Variants in UBXN11 observed in about 807,000 individuals in gnomAD.
UBXN11 encodes UBX domain protein 11, also known as UBX domain-containing protein 11.
Under a neutral mutation model 62.8 loss-of-function variants are expected in UBXN11, and 47 were observed. The observed-to-expected ratio is 0.75, with a 90% CI of 0.59 to 0.95. The LOEUF is 0.95. Among genes scored for constraint, UBXN11 ranks in the 40% least tolerant of loss-of-function variants. UBXN11 has a pLI of 0.00. For synonymous variants in UBXN11, 294 were observed against 267.0 expected (o/e 1.10, Z -0.99); for missense variants, 638 against 661.7 (o/e 0.96, Z 0.39).
chr1:26,284,864 C>G (rs2073090737), intron 10 of UBXN11: 1 of 1,018,816 alleles, frequency 9.8e-7, no homozygotes, highest in Non-Finnish European at 1.2e-6. Flanking sequence ...CAAGGCATAG[C>G]TCCGAGGTCC....
intron 6 of UBXN11, 118 bp from the exon 7 acceptor site, chr1:26,297,113 G>GC: frequency 4.9e-6 from 6 of 1,214,088 alleles, no homozygotes; most frequent in South Asian, 1.4e-5. Context: ...CTGCCTCTTG[G>GC]CCCCCCACCT....
chr1:26,302,362 TAAAAAAAAAAAAAA>T (rs56003085), intron 2 of UBXN11, among the ~76,000 whole-genome samples: 5 of 69,562 alleles, frequency 7.2e-5, no homozygotes, highest in East Asian at 4.6e-4. Context: ...ACTTGGTCTT[TAAAAAAAAAAAAAA>T]AAAAAAAAAA....
chr1:26,317,375 T>A (rs1442390224), intron 1 of UBXN11, among the ~76,000 whole-genome samples: 1 of 152,034 alleles, frequency 6.6e-6, no homozygotes, highest in African/African-American at 2.4e-5. Flanking sequence ...GCTTCCCGAT[T>A]CCTCACCTCC....
rs144586094 is a variant in UBXN11, at chr1:26,284,962, C to T, written c.853-480G>A. ...GGTGACACATGCTCCCTCCCGGACA[C>T]GCCCTCAGTGCGGCACTAACCCACC... On this transcript the variant is annotated intron_variant, in intron 10 of 14. Transcript: ENST00000374222. 126 of 999,920 alleles carry T rather than the reference C, an allele frequency of 1.3e-4. No homozygotes were observed. In the African/African-American group the frequency reaches 1.8e-3, roughly 14 times the overall value. 61.9% of individuals were successfully genotyped at this position (999,920 alleles called of 1,614,324 possible).
intron 8 of UBXN11, among the ~76,000 whole-genome samples, chr1:26,289,088 CCTTA>C (rs1369389813): frequency 1.3e-5 from 2 of 152,154 alleles, no homozygotes; most frequent in Admixed American, 6.5e-5. Flanking sequence ...CTCCCAAGAC[CCTTA>C]CTTAGCACCC....
In UBXN11 at chr1:26,282,305, G is replaced by A. The variant is rs764029313; in HGVS notation, c.1557C>T (p.Pro519=). Residue 519 remains proline (P), a synonymous_variant, in exon 15 of 15, where the codon CCC becomes CCT. Transcript: ENST00000374222. ...PSPCPGPSPS[P]Q ...GGTTGAGGGGGCGGGTGCTTTATTG[G>A]GGGCTGGGACTGGGTCCAGGACAGG... 6 of 1,483,360 alleles carry A rather than the reference G, an allele frequency of 4.0e-6. No individual in the cohort carries two copies. Among genetic ancestry groups the A allele is most frequent in the Middle Eastern group, 2.1e-4 (1 of 4,704 alleles). The allele number at this position is 1,483,360 out of a possible 1,614,324, so 91.9% of individuals were successfully genotyped here. A position where few individuals can be genotyped will look rare whatever the true frequency, so the allele number is the denominator to read the frequency against.
At chr1:26,306,020 CT>C (rs1285965210) in intron 1 of UBXN11, among the ~76,000 whole-genome samples, 8 of 152,222 alleles carry the variant, frequency 5.3e-5, no homozygotes. Flanking sequence ...ACAAGGGCCC[CT>C]GAAGGCAAAG....
exon 1 of UBXN11, chr1:26,318,216 C>T (rs969103391): frequency 1.4e-6 from 1 of 708,938 alleles, no homozygotes; most frequent in African/African-American, 1.8e-5. Flanking sequence ...ACTGGGGACA[C>T]AGCGGGCCTG....
intron 8 of UBXN11, among the ~76,000 whole-genome samples, chr1:26,293,724 CAAAAAAAAAAAAA>C (rs1163207554): frequency 1.9e-4 from 5 of 26,922 alleles, no homozygotes; most frequent in African/African-American, 6.4e-4. Context: ...GACTCCGTCT[CAAAAAAAAAAAAA>C]AAAAAAAAAA....
intron 8 of UBXN11, among the ~76,000 whole-genome samples, chr1:26,289,814 C>T (rs1213389520): frequency 2.6e-5 from 4 of 152,230 alleles, no homozygotes; most frequent in East Asian, 1.9e-4. Flanking sequence ...GCAGCTCACG[C>T]GGTGCCGCCC....
chr1:26,294,549 G>A (rs1165888348), intron 7 of UBXN11, among the ~76,000 whole-genome samples: 2 of 152,200 alleles, frequency 1.3e-5, no homozygotes, highest in South Asian at 2.1e-4. Flanking sequence ...TAATAAAATG[G>A]AGTGACAGTT....
chr1:26,302,898 A>G lies in UBXN11; in HGVS notation c.-15T>C. ...GGTGAGCTCATAGTTCTACTTCTAG[A>G]ATCCAGCTGTCAGGAACTCCCTAGA... On this transcript the variant is annotated 5_prime_UTR_variant, in exon 2 of 15. Transcript: ENST00000374222. 1 of 1,613,286 alleles carries G rather than the reference A, an allele frequency of 6.2e-7. No homozygotes were observed. The highest frequency in any genetic ancestry group is 8.5e-7 in the Non-Finnish European group (1 of 1,179,478).
intron 1 of UBXN11, chr1:26,318,035 C>T (rs1428849775): frequency 3.1e-6 from 5 of 1,614,094 alleles, no homozygotes; most frequent in Non-Finnish European, 4.2e-6. Flanking sequence ...GCTTCCTCTT[C>T]CTCCTACTCA....
At position 26,284,232 on chromosome 1, in the gene UBXN11, A is replaced by T. The variant is rs1211340255; in HGVS notation, c.987T>A (p.Thr329=). The change falls in exon 12 of 15, where the codon ACT becomes ACA. Residue 329 remains threonine, a synonymous_variant. Transcript: ENST00000374222. ...RVEEHPGSRM[T]AEKFLNRLPK... ...GGAGCCTGTTCAGAAATTTCTCAGC[A>T]GTCATCCTGGAGCCTACAGGCAGAG... 1 of 1,612,208 alleles carries T rather than the reference A, an allele frequency of 6.2e-7. No individual in the cohort carries two copies. Among genetic ancestry groups the T allele is most frequent in the East Asian group, 2.2e-5 (1 of 44,792 alleles).
intron 8 of UBXN11, 140 bp downstream of exon 8, chr1:26,294,065 G>A (rs1362039782): frequency 1.5e-6 from 2 of 1,325,214 alleles, no homozygotes; most frequent in African/African-American, 1.5e-5. Flanking sequence ...ATTGTCTCAG[G>A]GGCAAGTTGT....
chr1:26,282,297 C>A lies in UBXN11; in HGVS notation c.*2G>T. 1 of 1,481,042 alleles carries A rather than the reference C, an allele frequency of 6.8e-7. No individual in the cohort carries two copies. The highest frequency in any genetic ancestry group is 8.9e-7 in the Non-Finnish European group (1 of 1,117,728). The allele number at this position is 1,481,042 out of a possible 1,614,324, so 91.7% of individuals were successfully genotyped here. ...GAGCAGCGGGTTGAGGGGGCGGGTG[C>A]TTTATTGGGGGCTGGGACTGGGTCC... On this transcript the variant is annotated 3_prime_UTR_variant, in exon 15 of 15. Transcript: ENST00000374222.
At chr1:26,315,939 C>T (rs2073786256) in intron 1 of UBXN11, among the ~76,000 whole-genome samples, 1 of 146,614 alleles carries the variant, frequency 6.8e-6, no homozygotes, top group Non-Finnish European at 1.5e-5. Context: ...GGATTACAGG[C>T]GTGAGCCACT....
At chr1:26,300,889 C>A in intron 4 of UBXN11, 37 bp downstream of exon 4, 1 of 1,613,952 alleles carries the variant, frequency 6.2e-7, no homozygotes, top group African/African-American at 1.3e-5. Context: ...CCCCCTCCTG[C>A]AGCCAGGACC....
intron 4 of UBXN11, among the ~76,000 whole-genome samples, chr1:26,300,329 A>T (rs1265230306): frequency 1.3e-5 from 2 of 152,176 alleles, no homozygotes; most frequent in African/African-American, 4.8e-5. Flanking sequence ...AGACAGAGAG[A>T]TGCGAAGTTG....
Sources: gnomAD v4.1 joint callset for allele counts (sites outside exome capture counted in the v4.1 genomes callset) on GRCh38, gnomAD v4.1.1 for gene constraint, MANE v1.5 for transcripts, NCBI Gene and HGNC (gene_info 2026-07-23, HGNC 2026-07-21) for gene names.